Variants in DMXL1 observed in about 807,000 individuals in gnomAD.
DMXL1 encodes Dmx like 1, also known as dmX-like protein 1.
In DMXL1, 99 loss-of-function variants were observed where a neutral mutation model predicts 319.2. The ratio of observed to expected loss-of-function variants is 0.31; its 90% CI spans 0.26 to 0.37. The LOEUF is 0.37. DMXL1 is among the 10% of genes least tolerant of loss of function. The pLI is 1.00. For synonymous variants in DMXL1, 1,385 were observed against 1,235.2 expected, an observed-to-expected ratio of 1.12 and a Z score of -2.54; for missense variants, 3,745 against 3,595.6, an observed-to-expected ratio of 1.04 and a Z score of -1.06.
chr5:119,077,623 A>G (rs914661228), intron 1 of DMXL1, among the ~76,000 whole-genome samples: 1 of 117,364 alleles, frequency 8.5e-6, no homozygotes, highest in Non-Finnish European at 1.7e-5. Context: ...GACACGTGCC[A>G]CCATTCCTGG....
At chr5:119,146,724 G>C (rs1768627862) in intron 15 of DMXL1, 113 bp from the exon 16 acceptor site, 1 of 1,030,256 alleles carries the variant, frequency 9.7e-7, no homozygotes, top group South Asian at 1.9e-5. Flanking sequence ...TGAAGCCTTA[G>C]GTAAAAGTTT....
chr5:119,197,794 A>T lies in DMXL1; in HGVS notation c.7583A>T (p.Lys2528Ile). 1 of 1,614,158 alleles carries T rather than the reference A, an allele frequency of 6.2e-7. No homozygotes were observed. The highest frequency in any genetic ancestry group is 8.5e-7 in the Non-Finnish European group (1 of 1,180,020). The change falls in exon 32 of 44, where the codon AAA becomes ATA. Residue 2528 changes from lysine to isoleucine, a missense_variant. Physicochemically the swap from Lys to Ile is moderately radical, Grantham distance 102. Around this residue, in one of 4 missense-constraint regions of DMXL1, gnomAD observed 1,382 missense variants for 1,269.5 expected, o/e 1.09. Transcript: ENST00000539542. ...TCACCTCTTTGTCATGCGGTTCTAA[A>T]AACTCTTCAATGTTGGGAACAAGTT... ...VSSPLCHAVL[K>I]TLQCWEQVLL...
chr5:119,071,889 A>T (rs1204221265), intron 1 of DMXL1, among the ~76,000 whole-genome samples: 3 of 152,142 alleles, frequency 2.0e-5, no homozygotes, highest in Non-Finnish European at 4.4e-5. Context: ...TAGGATTTTT[A>T]AAGTTTTTGG....
chr5:119,224,939 T>C (rs1053357130), intron 38 of DMXL1, among the ~76,000 whole-genome samples, 170 bp downstream of exon 38: 4 of 151,996 alleles, frequency 2.6e-5, no homozygotes, highest in African/African-American at 9.7e-5. Context: ...CAAAACTGGG[T>C]AAAAATAGAA....
chr5:119,226,209 A>G (rs900221354), intron 38 of DMXL1, among the ~76,000 whole-genome samples: 1 of 152,180 alleles, frequency 6.6e-6, no homozygotes, highest in Non-Finnish European at 1.5e-5. Context: ...GAACTGCCAA[A>G]ACTAGCAGAT....
At chr5:119,174,567 CT>C (rs1775412304) in intron 25 of DMXL1, among the ~76,000 whole-genome samples, 2 of 152,212 alleles carry the variant, frequency 1.3e-5, no homozygotes, top group African/African-American at 4.8e-5. Context: ...CCATTTTTAT[CT>C]ACAAAATGAC....
intron 13 of DMXL1, among the ~76,000 whole-genome samples, chr5:119,142,621 A>T (rs1056424966): frequency 1.3e-5 from 2 of 152,108 alleles, no homozygotes; most frequent in Non-Finnish European, 2.9e-5. Flanking sequence ...TGTGGAAAGC[A>T]GTACTGTGAT....
Position 119,239,049 on chromosome 5 carries a change from A to G in DMXL1, c.8620A>G (p.Ile2874Val). ...DFVFVSSSSL[I>V]ATAGLSTDNR... ...TGTCTTCGTTAGTTCCTCCTCTCTG[A>G]TAGCTACAGCTGGTCTTTCAACTGA... Residue 2874 changes from isoleucine (I) to valine (V), a missense_variant, in exon 41 of 44, where the codon ATA (isoleucine) becomes GTA (valine). Physicochemically the swap from Ile to Val is conservative, Grantham distance 29. This residue lies in a region of DMXL1 where 262 missense variants were observed against 320.5 expected (regional missense o/e 0.82). Transcript: ENST00000539542. The G allele has an allele frequency of 6.2e-7, 1 of 1,613,880 alleles. No individual in the cohort carries two copies. The highest frequency in any genetic ancestry group is 1.1e-5 in the South Asian group (1 of 91,080).
chr5:119,240,708 G>A (rs1031050170), intron 42 of DMXL1, among the ~76,000 whole-genome samples: 1 of 152,110 alleles, frequency 6.6e-6, no homozygotes, highest in African/African-American at 2.4e-5. Context: ...TCTTTACTTT[G>A]AATCTGATAG....
intron 4 of DMXL1, 107 bp from the exon 5 acceptor site, chr5:119,110,044 G>T (rs1378147832): frequency 1.9e-6 from 2 of 1,051,352 alleles, no homozygotes; most frequent in Admixed American, 3.1e-5. Context: ...AATTTTTTTT[G>T]ATATTTGACT....
At chr5:119,138,449 A>G (rs549890804) in intron 13 of DMXL1, among the ~76,000 whole-genome samples, 10 of 152,320 alleles carry the variant, frequency 6.6e-5, no homozygotes, top group African/African-American at 2.2e-4. Flanking sequence ...GAGTTCAGAG[A>G]GAGGTCTGGC....
intron 30 of DMXL1, among the ~76,000 whole-genome samples, chr5:119,195,953 C>T (rs1011713344): frequency 2.6e-5 from 4 of 152,102 alleles, no homozygotes; most frequent in African/African-American, 9.7e-5. Flanking sequence ...CTTCTGTTTG[C>T]AAAAATAAGC....
chr5:119,187,726 G>A (rs1295401834), intron 28 of DMXL1, among the ~76,000 whole-genome samples: 13 of 152,020 alleles, frequency 8.6e-5, no homozygotes, highest in African/African-American at 1.9e-4. Flanking sequence ...GCAGTGGTGC[G>A]ATCTTGGCTC....
At chr5:119,192,221 C>T (rs991355318) in intron 29 of DMXL1, among the ~76,000 whole-genome samples, 1 of 152,180 alleles carries the variant, frequency 6.6e-6, no homozygotes, top group Non-Finnish European at 1.5e-5. Flanking sequence ...ATTACATTTG[C>T]TCCTGTCTTA....
intron 3 of DMXL1, among the ~76,000 whole-genome samples, chr5:119,103,689 C>T (rs560876544): frequency 6.6e-6 from 1 of 152,030 alleles, no homozygotes; most frequent in Non-Finnish European, 1.5e-5. Flanking sequence ...CTCTTAAAGC[C>T]TTAAGAATTA....
At chr5:119,230,387 A>T (rs1786450838) in intron 38 of DMXL1, among the ~76,000 whole-genome samples, 1 of 152,246 alleles carries the variant, frequency 6.6e-6, no homozygotes, top group Non-Finnish European at 1.5e-5. Flanking sequence ...TACTTAATTT[A>T]TATAAGTGCT....
At position 119,134,006 on chromosome 5, in the gene DMXL1, A is replaced by G. The variant is rs751367808; in HGVS notation, c.2082A>G (p.Ala694=). The change falls in exon 12 of 44, where the codon GCA becomes GCG. Residue 694 remains alanine (A), a synonymous_variant. Transcript: ENST00000539542. The part of the protein sequence containing the change: ...TQQNKSTVDV[A]FQDPSAVYSE... ...AAAATAAAAGCACTGTTGACGTGGC[A>G]TTTCAGGATCCCAGTGCAGTTTACA... 1.2e-5 allele frequency: 20 copies of G among 1,614,088 alleles called. No homozygotes were observed. The highest frequency in any genetic ancestry group is 3.3e-5 in the South Asian group (3 of 91,088).
chr5:119,229,377 A>G (rs979795073), intron 38 of DMXL1, among the ~76,000 whole-genome samples: 4 of 152,190 alleles, frequency 2.6e-5, no homozygotes, highest in Non-Finnish European at 5.9e-5. Flanking sequence ...GAGAAAACCA[A>G]TACTCCAGTA....
In DMXL1 at chr5:119,193,900, A is replaced by AATG. The variant is rs200335120; in HGVS notation, c.7403_7405dup (p.Asp2468dup). 6.9e-5 allele frequency: 111 copies of AATG among 1,606,954 alleles called. No homozygotes were observed. The highest frequency in any genetic ancestry group is 4.1e-4 in the African/African-American group (29 of 70,926). On this transcript the variant is annotated inframe_insertion, in exon 30 of 44. Transcript: ENST00000539542. ...GAGTCTGGGAAGTGATGATGATGAC[A>AATG]ATGATGATGATGATGATGTTTTAGC... is the stretch of plus-strand genomic sequence containing the variant.
Sources: allele counts gnomAD v4.1 joint callset (sites outside exome capture counted in the v4.1 genomes callset), GRCh38; gene constraint gnomAD v4.1.1; regional missense constraint gnomAD v4.1.1; transcripts MANE v1.5; gene names NCBI Gene and HGNC (gene_info 2026-07-23, HGNC 2026-07-21).